The following STING1 variants were observed in gnomAD, a reference collection of about 807,000 sequenced individuals.
The protein encoded by STING1 is stimulator of interferon genes protein.
In STING1, 19 loss-of-function variants were observed where a neutral mutation model predicts 31.6. That is an observed-to-expected ratio of 0.60 (90% CI 0.42 to 0.88). STING1 has a LOEUF of 0.88. Among genes scored for constraint, STING1 ranks in the 40% least tolerant of loss-of-function variants. The pLI is 0.00. For missense variants in STING1, 371 were observed against 483.7 expected (o/e 0.77, Z 2.19); for synonymous variants, 200 against 208.6 (o/e 0.96, Z 0.35).
Position 139,477,524 on chromosome 5 carries a change from G to C in STING1, c.760-9C>G. 6.2e-7 allele frequency: 1 copy of C among 1,612,432 alleles called. No homozygotes were observed. Among genetic ancestry groups the C allele is most frequent in the Non-Finnish European group, 8.5e-7 (1 of 1,179,050 alleles). ...AGGACACAGGTGCCCGCCTAGAGGAGGTAAGAGGAAGACCAGACTAAGCCA... is the reference window on the plus strand; with the variant it reads ...AGGACACAGGTGCCCGCCTAGAGGACGTAAGAGGAAGACCAGACTAAGCCA... On this transcript the variant is annotated splice_polypyrimidine_tract_variant and intron_variant, in intron 6 of 7. Coordinates refer to ENST00000330794, the MANE Select transcript of STING1 (RefSeq NM_198282.4).
Position 139,481,694 on chromosome 5 carries a change from G to T in STING1, c.11C>A (p.Ser4Tyr). The T allele has an allele frequency of 6.2e-7, 1 of 1,600,148 alleles. No homozygotes were observed. Among genetic ancestry groups the T allele is most frequent in the Non-Finnish European group, 8.6e-7 (1 of 1,169,442 alleles). Residue 4 changes from serine (S) to tyrosine (Y), a missense_variant, in exon 3 of 8, where the codon TCC becomes TAC. Transcript: ENST00000330794. This position sits in a 1 kb window ranked among gnomAD's most constrained non-coding sequence, Gnocchi z 4.1. ...ACACGGGATGGATGGATGCAGGCTG[G>T]AGTGGGGCATCTGTGGGCACCAAGA... MPH[S>Y]SLHPSIPCPR... is the part of the protein sequence containing the mutation.
rs757521570 is a variant in STING1 at position 139,476,390 on chromosome 5, T to C, written c.1011A>G (p.Glu337=). ...AGCTGCCCACAGTAACCTCTTCCTT[T>C]TCCTCCTGCCGCAGGTGCCGGAGAA... is the stretch of plus-strand genomic sequence containing the variant. ...QEVLRHLRQE[E]KEEVTVGSLK... is the part of the protein sequence containing the mutation. The change falls in exon 8 of 8, where the codon GAA becomes GAG. Residue 337 remains glutamate, a synonymous_variant. Transcript: ENST00000330794. 1 of 1,612,642 alleles carries C rather than the reference T, an allele frequency of 6.2e-7. No individual in the cohort carries two copies. Among genetic ancestry groups the C allele is most frequent in the Non-Finnish European group, 8.5e-7 (1 of 1,180,004 alleles).
Position 139,478,391 on chromosome 5 carries a change from C to A in STING1, c.638G>T (p.Ser213Ile), listed in dbSNP as rs777299936. Residue 213 changes from serine to isoleucine, a missense_variant, in exon 6 of 8, where the codon AGT (serine) becomes ATT (isoleucine). Physicochemically the swap from Ser to Ile is moderately radical, Grantham distance 142. Coordinates refer to ENST00000330794, the MANE Select transcript of STING1 (RefSeq NM_198282.4). ...GAAGCGAATGTTGGGGTCAGCCATA[C>A]TCAGGTTATCAGGCACCCCACAGTC... is the stretch of plus-strand genomic sequence containing the variant. ...PLDCGVPDNL[S>I]MADPNIRFLD... 1 of 1,614,188 alleles carries A rather than the reference C, an allele frequency of 6.2e-7. No homozygotes were observed. Among genetic ancestry groups the A allele is most frequent in the Non-Finnish European group, 8.5e-7 (1 of 1,180,034 alleles).
intron 7 of STING1, 69 bp downstream of exon 7, chr5:139,477,260 G>A: frequency 6.5e-7 from 1 of 1,531,330 alleles, no homozygotes; most frequent in South Asian, 1.2e-5. Context: ...TGACTCTTTG[G>A]GAGACCCTGG....
chr5:139,480,488 G>C lies in STING1; in HGVS notation c.520+302C>G, dbSNP rs112179101. On this transcript the variant is annotated intron_variant, in intron 5 of 7. Coordinates refer to ENST00000330794, the MANE Select transcript of STING1 (RefSeq NM_198282.4). ...TTGAACTTGGAAGGAGGAGGTTGCA[G>C]TAGCCGAGATGGTACCACTGCACTC... Among the ~76,000 whole-genome samples the C allele has an allele frequency of 6.9e-3, 1,047 of 152,264 alleles. 11 individuals carry two copies. The highest frequency in any genetic ancestry group is 0.023 in the African/African-American group (969 of 41,550).
In STING1 at chr5:139,481,460, G is replaced by A. The variant is rs1384377841; in HGVS notation, c.227+18C>T. 2 of 1,610,172 alleles carry A rather than the reference G, an allele frequency of 1.2e-6. No homozygotes were observed. Among genetic ancestry groups the A allele is most frequent in the Non-Finnish European group, 8.5e-7 (1 of 1,177,248 alleles). ...ACACACGTTGGATACCCCGTCCCTG[G>A]GTACTGCAGTGAGTCACCTGGAGTG... On this transcript the variant is annotated intron_variant, in intron 3 of 7. Transcript: ENST00000330794. This position sits in a 1 kb window ranked among gnomAD's most constrained non-coding sequence, Gnocchi z 4.1.
rs79747590 is a variant in STING1 at position 139,479,701 on chromosome 5, T to TA, written c.520+1088dup. Among the ~76,000 whole-genome samples the TA allele has an allele frequency of 6.8e-3, 840 of 123,122 alleles. 2 individuals are homozygous for TA. Among genetic ancestry groups the TA allele is most frequent in the Middle Eastern group, 0.02 (4 of 196 alleles). The allele number at this position is 123,122 out of a possible 152,430, so 80.8% of individuals were successfully genotyped here. On this transcript the variant is annotated intron_variant, in intron 5 of 7. Transcript: ENST00000330794. ...CGGGTGAAAAAGTGAAACTCCATCTTAAAAAAAAAAAAAAATCTAAGGCTG... is the reference window on the plus strand; with the variant it reads ...CGGGTGAAAAAGTGAAACTCCATCTTAAAAAAAAAAAAAAAATCTAAGGCTG...
chr5:139,477,587 G>A (rs1751701820), intron 6 of STING1, 72 bp from the exon 7 acceptor site: 6 of 1,493,496 alleles, frequency 4.0e-6, no homozygotes, highest in African/African-American at 1.4e-5. Context: ...TCCAGTCCAG[G>A]CTCTGGCCCC....
chr5:139,478,160 G>A, intron 6 of STING1, 110 bp downstream of exon 6: 1 of 816,606 alleles, frequency 1.2e-6, no homozygotes, highest in Non-Finnish European at 2.0e-6. Context: ...ACCAGCTAGG[G>A]ACACTACAGC....
chr5:139,481,310 G>A lies in STING1; in HGVS notation c.260C>T (p.Ala87Val). The A allele has an allele frequency of 1.9e-6, 3 of 1,606,768 alleles. No individual in the cohort carries two copies. Among genetic ancestry groups the A allele is most frequent in the Non-Finnish European group, 2.6e-6 (3 of 1,176,308 alleles). ...YRGSYWRTVR[A>V]CLGCPLRRGA... ...ACGGCGGAGGGGGCAGCCCAGGCAG[G>A]CCCGCACAGTCCTCCAGTAGCTGCC... is the stretch of plus-strand genomic sequence containing the variant. Residue 87 changes from alanine (A) to valine (V), a missense_variant, in exon 4 of 8, where the codon GCC becomes GTC. Ala to Val is a moderately conservative substitution (Grantham distance 64, BLOSUM62 0). Transcript: ENST00000330794. The surrounding 1 kb of genome is among the most constrained non-coding windows in gnomAD (Gnocchi z 4.1).
At position 139,475,967 on chromosome 5, in the gene STING1, A is replaced by G; in HGVS notation, c.*294T>C. 1 of 312,540 alleles carries G rather than the reference A, an allele frequency of 3.2e-6. No individual in the cohort carries two copies. The highest frequency in any genetic ancestry group is 6.0e-6 in the Non-Finnish European group (1 of 165,646). 19.4% of individuals were successfully genotyped at this position (312,540 alleles called of 1,614,324 possible). On this transcript the variant is annotated 3_prime_UTR_variant, in exon 8 of 8. Transcript: ENST00000330794. ...GACACCTGGCACACCCCCTAAGTAC[A>G]CTAGCATCCAAAGTTTATGAAAAAC...
In STING1 at chr5:139,481,288, G is replaced by A; in HGVS notation, c.282C>T (p.Arg94=). The change falls in exon 4 of 8, where the codon CGC becomes CGT. Residue 94 remains arginine, a synonymous_variant. Transcript: ENST00000330794. This position sits in a 1 kb window ranked among gnomAD's most constrained non-coding sequence, Gnocchi z 4.1. ...TGGACAGCAGCAACAGGGCCCCACG[G>A]CGGAGGGGGCAGCCCAGGCAGGCCC... The part of the protein sequence containing the change: ...TVRACLGCPL[R]RGALLLLSIY... 3 of 1,612,798 alleles carry A rather than the reference G, an allele frequency of 1.9e-6. No homozygotes were observed. Among genetic ancestry groups the A allele is most frequent in the Non-Finnish European group, 2.5e-6 (3 of 1,179,380 alleles).
At position 139,476,247 on chromosome 5, in the gene STING1, G is replaced by A. The variant is rs756387427; in HGVS notation, c.*14C>T. 6.4e-7 allele frequency: 1 copy of A among 1,558,880 alleles called. No individual in the cohort carries two copies. The highest frequency in any genetic ancestry group is 2.4e-5 in the East Asian group (1 of 41,698). ...TGGAGACCACTGGAGGCTCTGGCCT[G>A]GTGACCCTGGGTCTCAAGAGAAATC... is the stretch of plus-strand genomic sequence containing the variant. On this transcript the variant is annotated 3_prime_UTR_variant, in exon 8 of 8. Coordinates refer to ENST00000330794, the MANE Select transcript of STING1 (RefSeq NM_198282.4).
At position 139,478,253 on chromosome 5, in the gene STING1, C is replaced by T. The variant is rs1262933288; in HGVS notation, c.759+17G>A. The T allele has an allele frequency of 1.3e-6, 2 of 1,595,514 alleles. No homozygotes were observed. Among genetic ancestry groups the T allele is most frequent in the African/African-American group, 1.3e-5 (1 of 74,594 alleles). ...CCTGACCCCTCCTCAGAGACCCCCA[C>T]TCCCCTGCACACTTACCCGCTGCCC... On this transcript the variant is annotated intron_variant, in intron 6 of 7. Transcript: ENST00000330794.
In STING1 at chr5:139,476,127, G is replaced by A; in HGVS notation, c.*134C>T. On this transcript the variant is annotated 3_prime_UTR_variant, in exon 8 of 8. Transcript: ENST00000330794. ...AAGGGGACAAGACGCATCTTAAGATGTCAAGTCCTGGACCCTTCCCTGCAA... is the reference window on the plus strand; with the variant it reads ...AAGGGGACAAGACGCATCTTAAGATATCAAGTCCTGGACCCTTCCCTGCAA... 1.5e-6 allele frequency: 1 copy of A among 673,764 alleles called. No homozygotes were observed. Among genetic ancestry groups the A allele is most frequent in the Non-Finnish European group, 2.5e-6 (1 of 398,106 alleles). The allele number at this position is 673,764 out of a possible 1,614,324, so 41.7% of individuals were successfully genotyped here.
Position 139,477,396 on chromosome 5 carries a change from C to T in STING1, c.879G>A (p.Arg293=), listed in dbSNP as rs1302904360. 5 of 1,614,076 alleles carry T rather than the reference C, an allele frequency of 3.1e-6. No individual in the cohort carries two copies. Among genetic ancestry groups the T allele is most frequent in the Non-Finnish European group, 4.2e-6 (5 of 1,180,040 alleles). ...CATCTGCCAGGATGTCCTCAAGTGTCCGGCAGAAGAGTTTGGCCTGCTCAA... is the reference window on the plus strand; with the variant it reads ...CATCTGCCAGGATGTCCTCAAGTGTTCGGCAGAAGAGTTTGGCCTGCTCAA... ...DRLEQAKLFC[R]TLEDILADAP... Residue 293 remains arginine (R), a synonymous_variant, in exon 7 of 8, where the codon CGG becomes CGA. Coordinates refer to ENST00000330794, the MANE Select transcript of STING1 (RefSeq NM_198282.4).
At position 139,481,471 on chromosome 5, in the gene STING1, G is replaced by A; in HGVS notation, c.227+7C>T. On this transcript the variant is annotated splice_region_variant and intron_variant, in intron 3 of 7. Transcript: ENST00000330794. The surrounding 1 kb of genome is among the most constrained non-coding windows in gnomAD (Gnocchi z 4.1). ...ATACCCCGTCCCTGGGTACTGCAGT[G>A]AGTCACCTGGAGTGGATGTGGCGCA... 1 of 1,612,738 alleles carries A rather than the reference G, an allele frequency of 6.2e-7. No homozygotes were observed. The highest frequency in any genetic ancestry group is 8.5e-7 in the Non-Finnish European group (1 of 1,179,142).
rs536664698 is a variant in STING1 at position 139,480,498 on chromosome 5, T to C, written c.520+292A>G. ...AAGGAGGAGGTTGCAGTAGCCGAGA[T>C]GGTACCACTGCACTCTAGCCTGGGC... On this transcript the variant is annotated intron_variant, in intron 5 of 7. Transcript: ENST00000330794. Among the ~76,000 whole-genome samples the C allele has an allele frequency of 9.2e-5, 14 of 152,202 alleles. No individual in the cohort carries two copies. In the East Asian group the frequency reaches 2.7e-3, roughly 29 times the overall value.
intron 5 of STING1, 42 bp downstream of exon 5, chr5:139,480,748 T>A: frequency 7.8e-7 from 1 of 1,278,704 alleles, no homozygotes; most frequent in Non-Finnish European, 1.1e-6. Flanking sequence ...TCTTAGTGTC[T>A]GTTTTGTAGA....
Sources: allele counts gnomAD v4.1 joint callset (sites outside exome capture counted in the v4.1 genomes callset), GRCh38; gene constraint gnomAD v4.1.1; non-coding constraint Gnocchi (gnomAD v3.1); transcripts MANE v1.5; gene names NCBI Gene and HGNC (gene_info 2026-07-23, HGNC 2026-07-21).